Variants in HIVEP3 observed in about 807,000 individuals in gnomAD.
HIVEP3 encodes HIVEP zinc finger 3.
Under a neutral mutation model 152.8 loss-of-function variants are expected in HIVEP3, and 49 were observed. The ratio of observed to expected loss-of-function variants is 0.32; its 90% CI spans 0.26 to 0.41. HIVEP3 has a LOEUF of 0.41. HIVEP3 is among the 10% of genes least tolerant of loss of function. The pLI is 1.00. For synonymous variants in HIVEP3, 1,269 were observed against 1,289.0 expected, an observed-to-expected ratio of 0.98 and a Z score of 0.33; for missense variants, 2,790 against 3,103.3, an observed-to-expected ratio of 0.90 and a Z score of 2.40.
intron 5 of HIVEP3, among the ~76,000 whole-genome samples, chr1:41,553,500 T>C (rs1643919405): frequency 6.6e-6 from 1 of 152,216 alleles, no homozygotes; most frequent in South Asian, 2.1e-4. Flanking sequence ...CCCATTTACA[T>C]TTAAGGTTAA....
chr1:41,976,434 A>C (rs1645259736), intron 1 of HIVEP3, among the ~76,000 whole-genome samples: 1 of 152,216 alleles, frequency 6.6e-6, no homozygotes, highest in African/African-American at 2.4e-5. Context: ...TCCCAACTAC[A>C]GATTCACAAA....
At chr1:41,733,585 C>T (rs1646873985) in intron 1 of HIVEP3, among the ~76,000 whole-genome samples, 1 of 152,246 alleles carries the variant, frequency 6.6e-6, no homozygotes, top group Non-Finnish European at 1.5e-5. Flanking sequence ...ATCTCCTATT[C>T]TGTCGCTCAC....
chr1:41,945,004 G>A (rs1415054701), intron 1 of HIVEP3, among the ~76,000 whole-genome samples: 2 of 152,212 alleles, frequency 1.3e-5, no homozygotes, highest in Non-Finnish European at 2.9e-5. Flanking sequence ...GACCTCCTGA[G>A]AGAAGTATAA....
chr1:41,687,634 G>A (rs189507866), intron 2 of HIVEP3, among the ~76,000 whole-genome samples: 18 of 152,346 alleles, frequency 1.2e-4, no homozygotes, highest in African/African-American at 4.1e-4. Context: ...TTAGGTGCAC[G>A]GCGATGCTGG....
chr1:42,025,631 C>T (rs1359037485), intron 1 of HIVEP3, among the ~76,000 whole-genome samples: 1 of 152,232 alleles, frequency 6.6e-6, no homozygotes, highest in African/African-American at 2.4e-5. Context: ...TGCCCTCCTC[C>T]GGAGATTCAT....
At chr1:41,977,689 C>T (rs1645267979) in intron 1 of HIVEP3, among the ~76,000 whole-genome samples, 1 of 152,226 alleles carries the variant, frequency 6.6e-6, no homozygotes, top group Non-Finnish European at 1.5e-5. Context: ...AAGGACAGTG[C>T]TGTGAGAGGA....
At chr1:41,568,161 A>C (rs1219108017) in intron 5 of HIVEP3, among the ~76,000 whole-genome samples, 1 of 152,262 alleles carries the variant, frequency 6.6e-6, no homozygotes, top group African/African-American at 2.4e-5. Context: ...AGTCTGGTGG[A>C]GGAAACAGAA....
intron 1 of HIVEP3, among the ~76,000 whole-genome samples, chr1:41,893,896 A>G (rs922069229): frequency 1.4e-5 from 2 of 147,190 alleles, no homozygotes; most frequent in African/African-American, 5.0e-5. Flanking sequence ...ATATGCATAT[A>G]TAATATTTAT....
intron 1 of HIVEP3, among the ~76,000 whole-genome samples, chr1:41,965,717 C>T (rs1457176746): frequency 1.3e-5 from 2 of 152,066 alleles, no homozygotes; most frequent in Admixed American, 6.6e-5. Context: ...CCTCCAAGAA[C>T]TATGGGATCA....
chr1:41,824,784 T>TATATATATATAG (rs1553266584), intron 1 of HIVEP3, among the ~76,000 whole-genome samples: 1 of 11,396 alleles, frequency 8.8e-5, no homozygotes, highest in Non-Finnish European at 1.6e-4. Flanking sequence ...TATATATATA[T>TATATATATATAG]AGAGAGAGAG....
chr1:41,779,174 C>T (rs533732514), intron 1 of HIVEP3, among the ~76,000 whole-genome samples: 1 of 152,200 alleles, frequency 6.6e-6, no homozygotes, highest in Non-Finnish European at 1.5e-5. Context: ...CTGCTGTCCC[C>T]CAACCAGGTG....
chr1:41,625,659 C>T (rs1303021706), intron 3 of HIVEP3, among the ~76,000 whole-genome samples: 1 of 152,150 alleles, frequency 6.6e-6, no homozygotes, highest in Non-Finnish European at 1.5e-5. Flanking sequence ...CCCTTGAGCC[C>T]AGGAGTTTGA....
chr1:41,547,074 C>T (rs1000007641), intron 5 of HIVEP3, among the ~76,000 whole-genome samples: 1 of 152,160 alleles, frequency 6.6e-6, no homozygotes, highest in African/African-American at 2.4e-5. Context: ...AGAGAGCTGT[C>T]CCTATTCTGC....
Position 41,960,404 on chromosome 1 carries a change from T to C in HIVEP3, n.120-41880A>G, listed in dbSNP as rs143625623. Among the ~76,000 whole-genome samples, 683 of 152,264 alleles carry C rather than the reference T, an allele frequency of 4.5e-3. 1 individual carries two copies. The highest frequency in any genetic ancestry group is 0.02 in the Middle Eastern group (6 of 294). ...AGTAGCTGGTAGCAGAGGCAACAGT[T>C]GCCTTAACTAGAGACATCTGAGAAG... On this transcript the variant is annotated intron_variant and non_coding_transcript_variant, in intron 1 of 3. Transcript: ENST00000489103.
intron 1 of HIVEP3, among the ~76,000 whole-genome samples, chr1:41,717,075 G>A (rs997263538): frequency 5.3e-5 from 8 of 152,212 alleles, no homozygotes; most frequent in African/African-American, 1.9e-4. Flanking sequence ...AGGGCACGCA[G>A]TTGTGACCTT....
intron 1 of HIVEP3, among the ~76,000 whole-genome samples, chr1:41,851,492 A>G (rs1643599581): frequency 6.6e-6 from 1 of 151,720 alleles, no homozygotes; most frequent in Non-Finnish European, 1.5e-5. Context: ...TAGTAGAGAC[A>G]AGGTTTCACC....
intron 8 of HIVEP3, 150 bp downstream of exon 8, chr1:41,512,666 T>C (rs541464078): frequency 5.2e-5 from 34 of 656,600 alleles, no homozygotes; most frequent in African/African-American, 4.0e-4. Context: ...CATGGCACAG[T>C]AGGTGCCTAA....
intron 1 of HIVEP3, among the ~76,000 whole-genome samples, chr1:41,857,954 T>A (rs2124393647): frequency 6.6e-6 from 1 of 151,706 alleles, no homozygotes; most frequent in East Asian, 1.9e-4. Context: ...CTCCAACTAG[T>A]TAACTGTGAA....
intron 1 of HIVEP3, among the ~76,000 whole-genome samples, chr1:41,994,214 G>A (rs72951283): frequency 0.013 from 1,904 of 150,922 alleles, 33 homozygotes; most frequent in African/African-American, 0.043. Flanking sequence ...TGTTATCTTA[G>A]GCCTCAAATA....
Sources: gnomAD v4.1 joint callset for allele counts (sites outside exome capture counted in the v4.1 genomes callset) on GRCh38, gnomAD v4.1.1 for gene constraint, MANE v1.5 for transcripts, NCBI Gene and HGNC (gene_info 2026-07-23, HGNC 2026-07-21) for gene names.